The following LRP6 variants were observed in gnomAD, a reference collection of about 807,000 sequenced individuals.
LRP6 encodes low-density lipoprotein receptor-related protein 6.
Under a neutral mutation model 184.1 loss-of-function variants are expected in LRP6, and 43 were observed. The ratio of observed to expected loss-of-function variants is 0.23; its 90% CI spans 0.18 to 0.30. LRP6 has a LOEUF of 0.30. LRP6 is among the 10% of genes least tolerant of loss of function. The probability of loss-of-function intolerance (pLI) is 1.00; values close to 1 mark genes in which losing one functional copy is unlikely to be tolerated. For missense variants in LRP6, 1,571 were observed against 2,005.3 expected (o/e 0.78, Z 4.14); for synonymous variants, 719 against 684.9 (o/e 1.05, Z -0.78).
At chr12:12,203,549 G>A (rs752296681) in intron 2 of LRP6, 149 bp from the exon 3 acceptor site, 26 of 678,822 alleles carry the variant, frequency 3.8e-5, no homozygotes, top group Middle Eastern at 2.9e-4. Context: ...GGCAAATGAC[G>A]AAGTCAAGAG....
At chr12:12,125,465 A>C (rs766504897) in intron 20 of LRP6, 33 bp from the exon 21 acceptor site, 1 of 1,594,934 alleles carries the variant, frequency 6.3e-7, no homozygotes, top group Middle Eastern at 1.7e-4. Context: ...ACTGAAGATG[A>C]GTATGATATA....
In LRP6 at chr12:12,239,728, G is replaced by C. The variant is rs1865013280; in HGVS notation, c.449+4534C>G. 4.0e-5 allele frequency among the ~76,000 whole-genome samples: 6 copies of C among 149,978 alleles called. No individual in the cohort carries two copies. In the South Asian group the frequency reaches 1.3e-3, roughly 32 times the overall value. On this transcript the variant is annotated intron_variant, in intron 2 of 22. Coordinates refer to ENST00000261349, the MANE Select transcript of LRP6 (RefSeq NM_002336.3). The stretch of plus-strand genomic sequence containing the variant: ...GTATCCTTTTCTTTATAATCACCAA[G>C]TTTCAATCTTCTACTAAGGATGAAT...
At chr12:12,216,655 TAAA>T (rs34936968) in intron 2 of LRP6, among the ~76,000 whole-genome samples, 1 of 137,044 alleles carries the variant, frequency 7.3e-6, no homozygotes, top group Non-Finnish European at 1.6e-5. Context: ...ACTTAAAATT[TAAA>T]AAAAAAAAAA....
At chr12:12,148,825 TATTGA>T (rs1287556753) in intron 14 of LRP6, 112 bp downstream of exon 14, 1 of 802,510 alleles carries the variant, frequency 1.2e-6, no homozygotes, top group African/African-American at 1.7e-5. Context: ...TGATAGAGAA[TATTGA>T]ATTGTTTGCT....
In LRP6 at chr12:12,159,147, G is replaced by A. The variant is rs759239877; in HGVS notation, c.2473C>T (p.Arg825Cys). 9 of 1,613,808 alleles carry A rather than the reference G, an allele frequency of 5.6e-6. No homozygotes were observed. The highest frequency in any genetic ancestry group is 1.1e-5 in the South Asian group (1 of 91,044). ...GGCAAGTCATCTGCTATAACTTCAC[G>A]GTTGAGCCCTATTTTCAGAAAGGCA... ...IESSNMLGLNREVIADDLPHP... is the reference protein window; with the variant it reads ...IESSNMLGLNCEVIADDLPHP... Residue 825 changes from arginine to cysteine, a missense_variant, in exon 12 of 23, where the codon CGT (arginine) becomes TGT (cysteine). Physicochemically the swap from Arg to Cys is radical, Grantham distance 180. Around this residue, in one of 4 missense-constraint regions of LRP6, gnomAD observed 158 missense variants for 258.4 expected, o/e 0.61. Coordinates refer to ENST00000261349, the MANE Select transcript of LRP6 (RefSeq NM_002336.3).
chr12:12,121,268 A>T lies in LRP6; in HGVS notation c.4700T>A (p.Val1567Glu). ...GCTTCGGGGTGTGGGAGGTGGGGGC[A>T]CAGGTTCTGAATCATAGTTCAAGTC... is the stretch of plus-strand genomic sequence containing the variant. ...TSDLNYDSEP[V>E]PPPPTPRSQY... Residue 1567 changes from valine (V) to glutamate (E), a missense_variant, in exon 23 of 23, where the codon GTG (valine) becomes GAG (glutamate). Coordinates refer to ENST00000261349, the MANE Select transcript of LRP6 (RefSeq NM_002336.3). 1 of 1,614,068 alleles carries T rather than the reference A, an allele frequency of 6.2e-7. No homozygotes were observed. Among genetic ancestry groups the T allele is most frequent in the East Asian group, 2.2e-5 (1 of 44,876 alleles).
intron 1 of LRP6, among the ~76,000 whole-genome samples, chr12:12,254,738 C>T (rs74061155): frequency 0.02 from 3,086 of 152,246 alleles, 103 homozygotes; most frequent in African/African-American, 0.065. Context: ...TATGAACCAA[C>T]GCTTACAGTC....
At chr12:12,204,731 G>A (rs1329842211) in intron 2 of LRP6, among the ~76,000 whole-genome samples, 11 of 151,690 alleles carry the variant, frequency 7.3e-5, no homozygotes, top group African/African-American at 1.5e-4. Context: ...TGAGGCAGGC[G>A]GATCACCTGA....
chr12:12,166,112 T>TG (rs34917483), intron 7 of LRP6, among the ~76,000 whole-genome samples: 9 of 152,056 alleles, frequency 5.9e-5, no homozygotes, highest in East Asian at 1.9e-4. Context: ...ATACCTTTTT[T>TG]GGGGGGGTAG....
At chr12:12,257,745 C>G (rs1410481687) in intron 1 of LRP6, among the ~76,000 whole-genome samples, 1 of 114,384 alleles carries the variant, frequency 8.7e-6, no homozygotes, top group Admixed American at 1.2e-4. Context: ...GAATTCGAGA[C>G]CAGTCTGAGC....
intron 15 of LRP6, among the ~76,000 whole-genome samples, chr12:12,140,236 G>T (rs1949909975): frequency 6.6e-6 from 1 of 151,632 alleles, no homozygotes; most frequent in South Asian, 2.1e-4. Flanking sequence ...GCTGTCTTCA[G>T]AGGGGCAGAG....
chr12:12,140,216 T>A (rs542718359), intron 15 of LRP6, among the ~76,000 whole-genome samples: 1 of 149,024 alleles, frequency 6.7e-6, no homozygotes, highest in Non-Finnish European at 1.5e-5. Flanking sequence ...ACAAAAAACC[T>A]AAAGAATAGG....
At chr12:12,176,192 A>T (rs2136978222) in intron 7 of LRP6, among the ~76,000 whole-genome samples, 1 of 152,358 alleles carries the variant, frequency 6.6e-6, no homozygotes, top group East Asian at 1.9e-4. Flanking sequence ...ACAACAATAT[A>T]GTAAAAATCA....
intron 1 of LRP6, among the ~76,000 whole-genome samples, chr12:12,248,783 C>T (rs1259088801): frequency 1.3e-5 from 2 of 152,044 alleles, no homozygotes; most frequent in South Asian, 2.1e-4. Context: ...CCCAGCCTCT[C>T]AGTCTTTATT....
chr12:12,155,839 A>T, intron 12 of LRP6: 1 of 663,460 alleles, frequency 1.5e-6, no homozygotes, highest in Non-Finnish European at 2.7e-6. Context: ...TAATTTTCCC[A>T]AGGTCACAAA....
intron 1 of LRP6, among the ~76,000 whole-genome samples, chr12:12,252,419 T>C (rs1186128948): frequency 1.3e-5 from 2 of 152,234 alleles, no homozygotes; most frequent in East Asian, 1.9e-4. Flanking sequence ...TTATGGGTCA[T>C]ATGGAAAGCA....
chr12:12,187,195 A>G (rs1457352488), intron 3 of LRP6, 76 bp from the exon 4 acceptor site: 1 of 1,221,652 alleles, frequency 8.2e-7, no homozygotes, highest in African/African-American at 1.5e-5. Flanking sequence ...TCTCCCATTA[A>G]AATGATCTTA....
At chr12:12,126,386 C>T (rs1302123599) in intron 20 of LRP6, among the ~76,000 whole-genome samples, 2 of 152,186 alleles carry the variant, frequency 1.3e-5, no homozygotes, top group African/African-American at 4.8e-5. Flanking sequence ...TGGTTTACAA[C>T]TCTTTCACTA....
At chr12:12,238,266 G>A (rs1430414064) in intron 2 of LRP6, among the ~76,000 whole-genome samples, 6 of 148,192 alleles carry the variant, frequency 4.0e-5, no homozygotes, top group African/African-American at 1.5e-4. Context: ...TAATGAGAGA[G>A]AAGATAAAAG....
Sources: allele counts gnomAD v4.1 joint callset (sites outside exome capture counted in the v4.1 genomes callset), GRCh38; gene constraint gnomAD v4.1.1; regional missense constraint gnomAD v4.1.1; transcripts MANE v1.5; gene names NCBI Gene and HGNC (gene_info 2026-07-23, HGNC 2026-07-21).